The following SNTG2 variants were observed in gnomAD, a reference collection of about 807,000 sequenced individuals.
SNTG2 encodes the protein gamma-2-syntrophin.
In SNTG2, 74 loss-of-function variants were observed where a neutral mutation model predicts 70.9. The ratio of observed to expected loss-of-function variants is 1.04; its 90% CI spans 0.86 to 1.27. The LOEUF (loss-of-function observed/expected upper bound fraction) is 1.27, where lower values mean the gene tolerates loss of function less well. Among genes scored for constraint, SNTG2 ranks in the 50% most tolerant of loss-of-function variants. SNTG2 has a pLI of 0.00. For synonymous variants in SNTG2, 278 were observed against 273.8 expected (o/e 1.02, Z -0.15); for missense variants, 717 against 690.7 (o/e 1.04, Z -0.43).
chr2:1,268,189 G>T (rs1436941839), intron 14 of SNTG2, among the ~76,000 whole-genome samples: 1 of 152,156 alleles, frequency 6.6e-6, no homozygotes, highest in East Asian at 1.9e-4. Flanking sequence ...TGTGCTGCAG[G>T]AATGAAGAGT....
chr2:1,060,025 C>T (rs1662709529), intron 1 of SNTG2, among the ~76,000 whole-genome samples: 1 of 151,844 alleles, frequency 6.6e-6, no homozygotes, highest in South Asian at 2.1e-4. Context: ...GAATGGTTAG[C>T]CACATGAAGT....
chr2:1,347,416 A>G (rs1660350299), intron 16 of SNTG2, among the ~76,000 whole-genome samples: 1 of 152,204 alleles, frequency 6.6e-6, no homozygotes, highest in Non-Finnish European at 1.5e-5. Flanking sequence ...GACCCTCACC[A>G]GCCCTGCCCA....
intron 1 of SNTG2, among the ~76,000 whole-genome samples, chr2:957,758 CA>C (rs1660216481): frequency 6.6e-6 from 1 of 151,996 alleles, no homozygotes; most frequent in South Asian, 2.1e-4. Context: ...AGTCACAGGC[CA>C]GGGGCACCTG....
At chr2:980,179 G>A (rs1435277974) in intron 1 of SNTG2, among the ~76,000 whole-genome samples, 1 of 152,138 alleles carries the variant, frequency 6.6e-6, no homozygotes, top group Non-Finnish European at 1.5e-5. Flanking sequence ...CTAAACAAGT[G>A]CTGTGTATTC....
At chr2:1,202,903 C>T (rs904542517) in intron 8 of SNTG2, among the ~76,000 whole-genome samples, 4 of 152,120 alleles carry the variant, frequency 2.6e-5, no homozygotes, top group African/African-American at 9.7e-5. Flanking sequence ...TATAACAGAG[C>T]TCCCAAATAC....
Position 1,155,253 on chromosome 2 carries a change from A to G in SNTG2, c.412-10295A>G, listed in dbSNP as rs561383986. Among the ~76,000 whole-genome samples, 9 of 151,202 alleles carry G rather than the reference A, an allele frequency of 6.0e-5. No homozygotes were observed. In the East Asian group the frequency reaches 1.8e-3, roughly 30 times the overall value. ...TGCAAATATATATGGACATACACACACCACACACACATACCCACACCCCAC... is the reference window on the plus strand; with the variant it reads ...TGCAAATATATATGGACATACACACGCCACACACACATACCCACACCCCAC... On this transcript the variant is annotated intron_variant, in intron 6 of 16. Coordinates refer to ENST00000308624, the MANE Select transcript of SNTG2 (RefSeq NM_018968.4).
chr2:1,194,803 G>C (rs1356242358), intron 8 of SNTG2, among the ~76,000 whole-genome samples: 2 of 152,054 alleles, frequency 1.3e-5, no homozygotes, highest in Admixed American at 6.6e-5. Context: ...AGGTATACAC[G>C]TGCCATGGTG....
At chr2:971,769 T>C (rs539856258) in intron 1 of SNTG2, among the ~76,000 whole-genome samples, 1 of 152,104 alleles carries the variant, frequency 6.6e-6, no homozygotes, top group East Asian at 1.9e-4. Flanking sequence ...TTGGAGGTCT[T>C]TTTTAACTTT....
intron 1 of SNTG2, among the ~76,000 whole-genome samples, chr2:1,070,040 G>A (rs1403951372): frequency 6.6e-6 from 1 of 152,162 alleles, no homozygotes; most frequent in East Asian, 1.9e-4. Context: ...ACGTCAGTGT[G>A]CAGGGGGATG....
At chr2:1,251,511 CCA>C (rs1205057349) in intron 12 of SNTG2, among the ~76,000 whole-genome samples, 1 of 147,266 alleles carries the variant, frequency 6.8e-6, no homozygotes, top group African/African-American at 2.5e-5. Flanking sequence ...CATGCACACA[CCA>C]CACACATGCA....
At chr2:1,028,262 C>T (rs1572250240) in intron 1 of SNTG2, among the ~76,000 whole-genome samples, 1 of 148,886 alleles carries the variant, frequency 6.7e-6, no homozygotes, top group East Asian at 1.9e-4. Flanking sequence ...ACAGACACTA[C>T]CCAGTAAGTA....
chr2:1,285,781 G>A (rs895115980), intron 14 of SNTG2, among the ~76,000 whole-genome samples: 2 of 127,454 alleles, frequency 1.6e-5, no homozygotes, highest in African/African-American at 6.1e-5. Flanking sequence ...CACCTCAGCA[G>A]GTCGTGTTTT....
intron 8 of SNTG2, among the ~76,000 whole-genome samples, chr2:1,195,486 T>C (rs1249586140): frequency 1.3e-5 from 2 of 152,244 alleles, no homozygotes; most frequent in Non-Finnish European, 2.9e-5. Flanking sequence ...ATAATGAGCT[T>C]TTTTTCATAT....
chr2:964,680 T>C (rs889718011), intron 1 of SNTG2, among the ~76,000 whole-genome samples: 1 of 152,150 alleles, frequency 6.6e-6, no homozygotes, highest in Non-Finnish European at 1.5e-5. Flanking sequence ...TCCTTGGAAG[T>C]GCAGGGTCCT....
chr2:1,057,192 C>A (rs1287483386), intron 1 of SNTG2, among the ~76,000 whole-genome samples: 5 of 152,084 alleles, frequency 3.3e-5, no homozygotes, highest in Admixed American at 6.5e-5. Context: ...ACTAACATGG[C>A]ACTATTCATA....
intron 1 of SNTG2, among the ~76,000 whole-genome samples, chr2:1,066,551 G>C (rs1370210593): frequency 6.6e-6 from 1 of 151,816 alleles, no homozygotes; most frequent in Non-Finnish European, 1.5e-5. Flanking sequence ...AGATTTTCTT[G>C]GTGCAAGTTT....
chr2:1,188,167 T>C (rs759665521), intron 8 of SNTG2, among the ~76,000 whole-genome samples: 5 of 152,222 alleles, frequency 3.3e-5, no homozygotes, highest in Non-Finnish European at 7.3e-5. Context: ...TGAGTGGATG[T>C]AAAGTACATT....
At chr2:1,182,056 A>G (rs1671939972) in intron 8 of SNTG2, among the ~76,000 whole-genome samples, 1 of 152,180 alleles carries the variant, frequency 6.6e-6, no homozygotes. Context: ...GTTAGTGTGC[A>G]GCTTTCCTTC....
chr2:1,155,169 ACC>A (rs139002182), intron 6 of SNTG2, among the ~76,000 whole-genome samples: 7 of 5,770 alleles, frequency 1.2e-3, no homozygotes, highest in African/African-American at 2.3e-3. Flanking sequence ...ACACACGTAG[ACC>A]CCCCCCCCAC....
Sources: gnomAD v4.1 joint callset for allele counts (sites outside exome capture counted in the v4.1 genomes callset) on GRCh38, gnomAD v4.1.1 for gene constraint, MANE v1.5 for transcripts, NCBI Gene and HGNC (gene_info 2026-07-23, HGNC 2026-07-21) for gene names.